The following PPP6R3 variants were observed in gnomAD, a reference collection of about 807,000 sequenced individuals.
PPP6R3 encodes serine/threonine-protein phosphatase 6 regulatory subunit 3.
In PPP6R3, 38 loss-of-function variants were observed where a neutral mutation model predicts 110.7. The ratio of observed to expected loss-of-function variants is 0.34; its 90% confidence interval spans 0.26 to 0.45. PPP6R3 has a LOEUF of 0.45. PPP6R3 is among the 20% of genes least tolerant of loss of function. The pLI, the probability that PPP6R3 is intolerant of heterozygous loss-of-function variation, is 1.00. For missense variants in PPP6R3, 870 were observed against 1,062.4 expected, an observed-to-expected ratio of 0.82 and a Z score of 2.52; for synonymous variants, 369 against 373.5, an observed-to-expected ratio of 0.99 and a Z score of 0.14.
Position 68,603,376 on chromosome 11 carries a change from C to T in PPP6R3, c.2334C>T (p.Asp778=), listed in dbSNP as rs140618993. Reference sequence around the variant, plus strand: ...GTGTGGCCATGGAAGCCAGCTCTGACGGAGAGGAGGATGCAGAAAGTACAG... The same window carrying T: ...GTGTGGCCATGGAAGCCAGCTCTGATGGAGAGGAGGATGCAGAAAGTACAG... The part of the protein sequence containing the change: ...AGSVAMEASS[D]GEEDAESTDK... The change falls in exon 22 of 24, where the codon GAC becomes GAT. Residue 778 remains aspartate, a synonymous_variant. Coordinates refer to ENST00000393800, the MANE Select transcript of PPP6R3 (RefSeq NM_001164161.2). 8.1e-5 allele frequency: 130 copies of T among 1,613,750 alleles called. No homozygotes were observed. Among genetic ancestry groups the T allele is most frequent in the Admixed American group, 1.8e-4 (11 of 59,954 alleles).
At chr11:68,563,902 T>G (rs143825914) in intron 8 of PPP6R3, among the ~76,000 whole-genome samples, 1 of 152,224 alleles carries the variant, frequency 6.6e-6, no homozygotes, top group Non-Finnish European at 1.5e-5. Flanking sequence ...AAAAACTGTA[T>G]GGAACAAGTA....
chr11:68,482,210 A>AC, intron 1 of PPP6R3, among the ~76,000 whole-genome samples: 1 of 136,090 alleles, frequency 7.3e-6, no homozygotes, highest in Non-Finnish European at 1.6e-5. Context: ...ACATGGTGAA[A>AC]CCCCATCTCT....
intron 1 of PPP6R3, among the ~76,000 whole-genome samples, chr11:68,510,500 G>T (rs373281958): frequency 4.9e-4 from 75 of 152,080 alleles, no homozygotes; most frequent in African/African-American, 1.8e-3. Flanking sequence ...ATGCTTGGCT[G>T]ATTTTTAAAA....
chr11:68,585,162 C>T (rs2099574291), intron 15 of PPP6R3, among the ~76,000 whole-genome samples: 1 of 152,182 alleles, frequency 6.6e-6, no homozygotes, highest in Admixed American at 6.5e-5. Context: ...TTTGCTTCTC[C>T]CTTTAGCCTT....
chr11:68,601,481 G>A (rs1051024123), intron 20 of PPP6R3, among the ~76,000 whole-genome samples: 1 of 152,198 alleles, frequency 6.6e-6, no homozygotes, highest in Non-Finnish European at 1.5e-5. Flanking sequence ...ATAAGTAAAG[G>A]TTTTTGTAAA....
chr11:68,470,592 A>G (rs1324424322), intron 1 of PPP6R3, among the ~76,000 whole-genome samples: 2 of 152,172 alleles, frequency 1.3e-5, no homozygotes, highest in African/African-American at 4.8e-5. Flanking sequence ...TGTGGTTTCT[A>G]AAGGTCCCAC....
chr11:68,579,742 A>G (rs1209692701), intron 14 of PPP6R3, among the ~76,000 whole-genome samples: 1 of 152,236 alleles, frequency 6.6e-6, no homozygotes. Context: ...CCATAAGATT[A>G]GAATACTCGA....
intron 1 of PPP6R3, among the ~76,000 whole-genome samples, chr11:68,501,171 TAAGGGTTG>T (rs1205358916): frequency 2.0e-5 from 3 of 152,214 alleles, no homozygotes; most frequent in Non-Finnish European, 4.4e-5. Context: ...AACAATATGT[TAAGGGTTG>T]ATAACTCAAA....
chr11:68,600,192 G>T, intron 19 of PPP6R3, 149 bp from the exon 20 acceptor site: 1 of 791,510 alleles, frequency 1.3e-6, no homozygotes, highest in South Asian at 1.5e-5. Flanking sequence ...CCTCCAGGTG[G>T]CTGTGCCCTG....
intron 1 of PPP6R3, among the ~76,000 whole-genome samples, chr11:68,493,055 A>G (rs1042329056): frequency 3.9e-5 from 6 of 152,094 alleles, no homozygotes; most frequent in African/African-American, 1.4e-4. Context: ...AATGATGCTC[A>G]TACCTACTTC....
chr11:68,528,496 C>T lies in PPP6R3; in HGVS notation c.-7+8845C>T, dbSNP rs149655676. On this transcript the variant is annotated intron_variant, in intron 2 of 23. Transcript: ENST00000393800. Reference sequence around the variant, plus strand: ...ACTAAGAATGGAGAAACAGCTACTGCGTGAACTTTCTGTGTTTTGTGGTCT... The same window carrying T: ...ACTAAGAATGGAGAAACAGCTACTGTGTGAACTTTCTGTGTTTTGTGGTCT... Among the ~76,000 whole-genome samples the T allele has an allele frequency of 1.3e-4, 20 of 151,458 alleles. No homozygotes were observed. The South Asian group carries it at 2.7e-3, about 21-fold the overall frequency.
intron 1 of PPP6R3, among the ~76,000 whole-genome samples, chr11:68,493,719 A>G (rs940909162): frequency 2.6e-5 from 4 of 151,338 alleles, no homozygotes; most frequent in Non-Finnish European, 4.4e-5. Flanking sequence ...AGACCTCCCA[A>G]AGTACTGGAT....
intron 1 of PPP6R3, among the ~76,000 whole-genome samples, chr11:68,472,907 G>T (rs989142084): frequency 6.6e-6 from 1 of 152,154 alleles, no homozygotes; most frequent in Admixed American, 6.5e-5. Flanking sequence ...GTTTTAGCAT[G>T]TATCAGTATC....
At chr11:68,497,298 C>G (rs900311929) in intron 1 of PPP6R3, among the ~76,000 whole-genome samples, 8 of 151,686 alleles carry the variant, frequency 5.3e-5, no homozygotes, top group African/African-American at 1.7e-4. Flanking sequence ...TCGTGATCCG[C>G]CCATCTCGGC....
chr11:68,590,208 G>A (rs1207647976), intron 16 of PPP6R3, among the ~76,000 whole-genome samples: 3 of 152,170 alleles, frequency 2.0e-5, no homozygotes, highest in Admixed American at 2.0e-4. Context: ...ATGATATCTT[G>A]TTAACAGCAT....
At chr11:68,542,389 G>GTTTTTTTTGTTT (rs2099321878) in intron 3 of PPP6R3, among the ~76,000 whole-genome samples, 1 of 40,188 alleles carries the variant, frequency 2.5e-5, no homozygotes, top group African/African-American at 1.0e-4. Context: ...AGAAGCTGCT[G>GTTTTTTTTGTTT]TTTTTTTTTT....
chr11:68,567,207 G>C, intron 10 of PPP6R3, 41 bp downstream of exon 10: 1 of 1,488,156 alleles, frequency 6.7e-7, no homozygotes, highest in Non-Finnish European at 9.0e-7. Flanking sequence ...ATTTGCCATT[G>C]ATATTTCATG....
chr11:68,598,146 C>CTAGT (rs1233463066), intron 19 of PPP6R3, among the ~76,000 whole-genome samples: 1 of 152,176 alleles, frequency 6.6e-6, no homozygotes, highest in Non-Finnish European at 1.5e-5. Flanking sequence ...CTGGGGTTGA[C>CTAGT]TAGTCTAGGG....
At chr11:68,555,963 A>G (rs2099397768) in intron 7 of PPP6R3, among the ~76,000 whole-genome samples, 1 of 152,246 alleles carries the variant, frequency 6.6e-6, no homozygotes, top group Non-Finnish European at 1.5e-5. Context: ...TGATTCAGAC[A>G]ATACACAGTG....
Sources: gnomAD v4.1 joint callset for allele counts (sites outside exome capture counted in the v4.1 genomes callset) on GRCh38, gnomAD v4.1.1 for gene constraint, MANE v1.5 for transcripts, NCBI Gene and HGNC (gene_info 2026-07-23, HGNC 2026-07-21) for gene names.